AGBL4: variants seen among roughly 807,000 people sequenced by gnomAD.
The protein encoded by AGBL4 is cytosolic carboxypeptidase 6.
AGBL4 carries 58 observed loss-of-function variants against 66.4 expected under a neutral mutation model. The observed-to-expected ratio is 0.87, with a 90% confidence interval of 0.71 to 1.09. The LOEUF (loss-of-function observed/expected upper bound fraction) is 1.09. AGBL4 is among the 50% of genes least tolerant of loss of function. AGBL4 has a pLI of 0.00. For synonymous variants in AGBL4, 234 were observed against 222.9 expected (o/e 1.05, Z -0.44); for missense variants, 579 against 631.0 (o/e 0.92, Z 0.88).
chr1:48,856,038 T>C (rs185282413), intron 6 of AGBL4, among the ~76,000 whole-genome samples: 38 of 152,246 alleles, frequency 2.5e-4, no homozygotes, highest in Non-Finnish European at 4.6e-4. Flanking sequence ...TTCTATATGA[T>C]CTCAACTATG....
At chr1:49,689,835 C>A (rs570089461) in intron 3 of AGBL4, among the ~76,000 whole-genome samples, 3 of 152,236 alleles carry the variant, frequency 2.0e-5, no homozygotes, top group East Asian at 3.9e-4. Flanking sequence ...TTGGCTACTG[C>A]AAATGGGGTT....
chr1:49,785,591 T>A (rs1428443430), intron 2 of AGBL4, among the ~76,000 whole-genome samples: 2 of 151,986 alleles, frequency 1.3e-5, no homozygotes, highest in South Asian at 2.1e-4. Context: ...GTGGCAATGA[T>A]AACAATGATG....
intron 6 of AGBL4, among the ~76,000 whole-genome samples, chr1:48,740,216 C>A (rs536857501): frequency 8.1e-4 from 123 of 152,304 alleles, no homozygotes; most frequent in Non-Finnish European, 1.5e-3. Flanking sequence ...GCATTTGAGA[C>A]AAGGGCCCCT....
In AGBL4 at chr1:48,931,969, C is replaced by T. The variant is rs2355695; in HGVS notation, c.595-64739G>A. Among the ~76,000 whole-genome samples, 873 of 152,254 alleles carry T rather than the reference C, an allele frequency of 5.7e-3. 2 individuals carry two copies. Among genetic ancestry groups the T allele is most frequent in the Non-Finnish European group, 8.8e-3 (598 of 68,006 alleles). ...GCATGCAAAATCAGCCCATCCTTCC[C>T]AGGAAAGAGTATGGGAGTGAGTCTC... On this transcript the variant is annotated intron_variant, in intron 5 of 13. Transcript: ENST00000371839.
At chr1:49,902,939 G>A (rs185594357) in intron 1 of AGBL4, among the ~76,000 whole-genome samples, 1 of 152,228 alleles carries the variant, frequency 6.6e-6, no homozygotes, top group East Asian at 1.9e-4. Context: ...AATGCAGTGT[G>A]GTGATTCCTC....
chr1:49,846,009 A>G (rs1219729685), intron 2 of AGBL4: 28 of 1,595,078 alleles, frequency 1.8e-5, no homozygotes, highest in Admixed American at 8.4e-5. Flanking sequence ...TACAAATGCA[A>G]CCAGTGTGGC....
chr1:49,558,936 T>C (rs1396869238), intron 3 of AGBL4, among the ~76,000 whole-genome samples: 1 of 152,050 alleles, frequency 6.6e-6, no homozygotes, highest in African/African-American at 2.4e-5. Context: ...GAAAACCAGG[T>C]AGACTTTTAA....
intron 11 of AGBL4, among the ~76,000 whole-genome samples, chr1:48,551,311 G>C (rs747863792): frequency 6.6e-6 from 1 of 152,298 alleles, no homozygotes; most frequent in East Asian, 1.9e-4. Context: ...TACTGTCTCT[G>C]AGCCTTAGTG....
chr1:48,727,896 T>A, intron 6 of AGBL4: 1 of 1,602,364 alleles, frequency 6.2e-7, no homozygotes, highest in Non-Finnish European at 8.5e-7. Context: ...TTATTGCAAA[T>A]TGTATTTTGC....
intron 5 of AGBL4, among the ~76,000 whole-genome samples, chr1:48,883,556 T>C (rs1649993679): frequency 6.6e-6 from 1 of 152,208 alleles, no homozygotes; most frequent in Admixed American, 6.5e-5. Context: ...TTAGATGCCA[T>C]TTTTTACCGT....
chr1:49,983,352 T>C (rs2148389094), intron 1 of AGBL4, among the ~76,000 whole-genome samples: 1 of 152,346 alleles, frequency 6.6e-6, no homozygotes, highest in African/African-American at 2.4e-5. Context: ...GTACACCTAA[T>C]CCAGCTACAG....
At position 49,210,268 on chromosome 1, in the gene AGBL4, T is replaced by C. The variant is rs1394819420; in HGVS notation, c.377+35502A>G. Among the ~76,000 whole-genome samples, 3 of 152,118 alleles carry C rather than the reference T, an allele frequency of 2.0e-5. No individual in the cohort carries two copies. The East Asian group carries it at 5.8e-4, about 29-fold the overall frequency. ...GATTAAATATTGTTATTTCTCAGTT[T>C]ATATGTGAACAAAGCAAAGTATCTC... On this transcript the variant is annotated intron_variant, in intron 4 of 13. Transcript: ENST00000371839.
At chr1:48,823,943 A>C (rs1433792881) in intron 6 of AGBL4, among the ~76,000 whole-genome samples, 1 of 152,102 alleles carries the variant, frequency 6.6e-6, no homozygotes, top group Non-Finnish European at 1.5e-5. Flanking sequence ...CCAGGAATAC[A>C]TAAGAGAAAA....
chr1:48,694,648 T>C (rs1004006407), intron 6 of AGBL4, among the ~76,000 whole-genome samples: 7 of 152,178 alleles, frequency 4.6e-5, no homozygotes. Flanking sequence ...CTTTCCCTAA[T>C]ATCATGCTTA....
chr1:49,399,499 A>T (rs987233875), intron 3 of AGBL4, among the ~76,000 whole-genome samples: 1 of 152,148 alleles, frequency 6.6e-6, no homozygotes, highest in African/African-American at 2.4e-5. Context: ...CATCCTCACC[A>T]GCATTTGTTA....
At chr1:49,832,557 C>T (rs1432578507) in intron 2 of AGBL4, among the ~76,000 whole-genome samples, 5 of 151,652 alleles carry the variant, frequency 3.3e-5, no homozygotes, top group African/African-American at 9.7e-5. Context: ...TTCTAGATCC[C>T]TGAGGAATCG....
intron 3 of AGBL4, among the ~76,000 whole-genome samples, chr1:49,696,641 T>C (rs1340337514): frequency 6.6e-6 from 1 of 152,058 alleles, no homozygotes; most frequent in Non-Finnish European, 1.5e-5. Context: ...CTCCCCAACA[T>C]ATTTCAGTAT....
At chr1:48,894,528 A>T (rs1347890383) in intron 5 of AGBL4, among the ~76,000 whole-genome samples, 1 of 152,236 alleles carries the variant, frequency 6.6e-6, no homozygotes, top group Non-Finnish European at 1.5e-5. Context: ...GCATTAATAC[A>T]ATAAAATACA....
intron 1 of AGBL4, among the ~76,000 whole-genome samples, chr1:49,939,906 G>A (rs559257651): frequency 9.5e-4 from 144 of 152,144 alleles, no homozygotes; most frequent in African/African-American, 3.3e-3. Context: ...CCATCAGAGT[G>A]AATAGGCAAC....
Sources: gnomAD v4.1 joint callset for allele counts (sites outside exome capture counted in the v4.1 genomes callset) on GRCh38, gnomAD v4.1.1 for gene constraint, MANE v1.5 for transcripts, NCBI Gene and HGNC (gene_info 2026-07-23, HGNC 2026-07-21) for gene names.